Variants in ZNF469 observed in about 807,000 individuals in gnomAD.
ZNF469 encodes zinc finger protein 469.
A neutral mutation model predicts 1.0 loss-of-function variants in ZNF469; 1 was observed. The ratio of observed to expected loss-of-function variants is 1.00; its 90% CI spans 0.35 to 4.73. The LOEUF (loss-of-function observed/expected upper bound fraction) is 4.73, where lower values mean the gene tolerates loss of function less well. Among genes scored for constraint, ZNF469 ranks in the 30% most tolerant of loss-of-function variants. The probability of loss-of-function intolerance (pLI) is 0.16; values close to 1 mark genes in which losing one functional copy is unlikely to be tolerated. For synonymous variants in ZNF469, 2,703 were observed against 2,363.4 expected, an observed-to-expected ratio of 1.14 and a Z score of -4.17; for missense variants, 6,100 against 5,356.3, an observed-to-expected ratio of 1.14 and a Z score of -4.33.
the ZNF469 span, among the ~76,000 whole-genome samples, chr16:88,117,277 A>G: frequency 7.6e-4 from 115 of 150,996 alleles, no homozygotes; most frequent in African/African-American, 2.7e-3. Context: ...AGCTGGGGGC[A>G]TGTGAGGGCT....
the ZNF469 span, among the ~76,000 whole-genome samples, chr16:88,200,325 G>T: frequency 6.6e-6 from 1 of 152,216 alleles, no homozygotes; most frequent in Non-Finnish European, 1.5e-5. Context: ...TTGTGTCTGG[G>T]CACTGCCTGG....
chr16:88,119,109 G>C, the ZNF469 span, among the ~76,000 whole-genome samples: 1 of 152,218 alleles, frequency 6.6e-6, no homozygotes, highest in South Asian at 2.1e-4. Context: ...TTTGCCATCT[G>C]TGGAATGAAA....
the ZNF469 span, among the ~76,000 whole-genome samples, chr16:88,259,747 G>A: frequency 4.6e-5 from 7 of 152,218 alleles, no homozygotes; most frequent in Non-Finnish European, 2.9e-5. The surrounding 1 kb of genome is among the most constrained non-coding windows in gnomAD (Gnocchi z 4.1). Flanking sequence ...TGGCCCCCAA[G>A]CGGCCTCCCC....
chr16:88,395,983 AGCCATGT>A (rs1904647250), intron 1 of ZNF469, among the ~76,000 whole-genome samples: 1 of 152,186 alleles, frequency 6.6e-6, no homozygotes, highest in East Asian at 1.9e-4. Flanking sequence ...ACGCCCTCCC[AGCCATGT>A]GCTCAGGCTT....
At chr16:88,255,764 G>C in the ZNF469 span, among the ~76,000 whole-genome samples, 1 of 152,234 alleles carries the variant, frequency 6.6e-6, no homozygotes, top group Admixed American at 6.5e-5. Context: ...TACAGACTAA[G>C]AGTATGGAAG....
chr16:88,140,426 C>T, the ZNF469 span, among the ~76,000 whole-genome samples: 10,168 of 143,434 alleles, frequency 0.071, 418 homozygotes, highest in Non-Finnish European at 0.094. Context: ...GGGGGTAGCA[C>T]GGAGGAAAGG....
the ZNF469 span, among the ~76,000 whole-genome samples, chr16:88,371,748 T>C: frequency 6.5e-3 from 986 of 152,148 alleles, 11 homozygotes; most frequent in African/African-American, 0.021. Flanking sequence ...CTCAGTGACA[T>C]CAACACATTT....
At chr16:88,412,403 C>T (rs765930187) in intron 1 of ZNF469, among the ~76,000 whole-genome samples, 2 of 152,196 alleles carry the variant, frequency 1.3e-5, no homozygotes, top group Non-Finnish European at 2.9e-5. Context: ...CTCTCTGAGC[C>T]CTGCTGTGTG....
the ZNF469 span, among the ~76,000 whole-genome samples, chr16:88,143,374 G>T: frequency 6.6e-6 from 1 of 152,168 alleles, no homozygotes; most frequent in Non-Finnish European, 1.5e-5. Context: ...GCGCCTAGCG[G>T]GGTGGGGTGC....
At chr16:88,112,772 C>CTTTTTTT in the ZNF469 span, among the ~76,000 whole-genome samples, 71 of 73,484 alleles carry the variant, frequency 9.7e-4, 1 homozygote, top group Non-Finnish European at 1.1e-3. Flanking sequence ...TGTGCAGAAG[C>CTTTTTTT]TTTTTTTTTT....
the ZNF469 span, among the ~76,000 whole-genome samples, chr16:88,306,792 T>C: frequency 0.022 from 3,290 of 152,374 alleles, 51 homozygotes; most frequent in Middle Eastern, 0.051. Context: ...TCCCCGCTTC[T>C]ACCAGATGGT....
chr16:88,304,359 G>T, the ZNF469 span, among the ~76,000 whole-genome samples: 1 of 152,196 alleles, frequency 6.6e-6, no homozygotes, highest in Non-Finnish European at 1.5e-5. Flanking sequence ...GAGTCTGCAC[G>T]GCCAGTACAA....
chr16:88,415,508 G>A (rs11643355), intron 1 of ZNF469, among the ~76,000 whole-genome samples: 1 of 152,216 alleles, frequency 6.6e-6, no homozygotes, highest in African/African-American at 2.4e-5. Context: ...CTGAGACTGA[G>A]CCCCCAGCCT....
chr16:88,185,162 C>T, the ZNF469 span, among the ~76,000 whole-genome samples: 2 of 58,320 alleles, frequency 3.4e-5, no homozygotes, highest in Non-Finnish European at 1.0e-4. Flanking sequence ...CACTCACAGG[C>T]ACACCCAGAC....
the ZNF469 span, among the ~76,000 whole-genome samples, chr16:88,369,926 G>A: frequency 2.0e-5 from 3 of 152,322 alleles, no homozygotes; most frequent in South Asian, 2.1e-4. Context: ...CCACCTCCCT[G>A]AGCACAGCTT....
In ZNF469 at chr16:88,430,342, C is replaced by T; in HGVS notation, c.2872C>T (p.Leu958=). The change falls in exon 3 of 3, where the codon CTG becomes TTG. Residue 958 remains leucine (L), a synonymous_variant. Coordinates refer to ENST00000565624, the MANE Select transcript of ZNF469 (RefSeq NM_001367624.2). ...GCAGTTGAAGCTGTTCCGGAAGGAT[C>T]TGGACTCGGGCGGCGCAGCAGAGGG... ...GKQLKLFRKD[L]DSGGAAEGSG... is the part of the protein sequence containing the mutation. 6.6e-7 allele frequency: 1 copy of T among 1,514,130 alleles called. No individual in the cohort carries two copies. The highest frequency in any genetic ancestry group is 8.8e-7 in the Non-Finnish European group (1 of 1,135,544). The allele number at this position is 1,514,130 out of a possible 1,614,324, so 93.8% of individuals were successfully genotyped here.
chr16:88,244,435 A>ATG, the ZNF469 span, among the ~76,000 whole-genome samples: 3 of 101,698 alleles, frequency 2.9e-5, no homozygotes, highest in African/African-American at 1.1e-4. Context: ...ATGGATGGAT[A>ATG]GGTGGATAGA....
chr16:88,243,732 T>C, the ZNF469 span, among the ~76,000 whole-genome samples: 4 of 148,994 alleles, frequency 2.7e-5, no homozygotes, highest in Non-Finnish European at 5.9e-5. Flanking sequence ...GATGGGTGGA[T>C]AGATGGGTGG....
the ZNF469 span, among the ~76,000 whole-genome samples, chr16:88,229,243 G>A: frequency 2.8e-4 from 43 of 152,346 alleles, no homozygotes; most frequent in South Asian, 1.2e-3. Context: ...AGAGACTCTA[G>A]TGAAGATCTT....
Sources: allele counts gnomAD v4.1 joint callset (sites outside exome capture counted in the v4.1 genomes callset), GRCh38; gene constraint gnomAD v4.1.1; non-coding constraint Gnocchi (gnomAD v3.1); transcripts MANE v1.5; gene names NCBI Gene and HGNC (gene_info 2026-07-23, HGNC 2026-07-21).